PDE4B: variants seen among roughly 807,000 people sequenced by gnomAD.
PDE4B encodes the protein phosphodiesterase 4B, also known as 3',5'-cyclic-AMP phosphodiesterase 4B.
In PDE4B, 20 loss-of-function variants were observed where a neutral mutation model predicts 82.2. The ratio of observed to expected loss-of-function variants is 0.24; its 90% CI spans 0.17 to 0.35. The LOEUF is 0.35. Among genes scored for constraint, PDE4B ranks in the 10% least tolerant of loss-of-function variants. The pLI is 1.00. For synonymous variants in PDE4B, 320 were observed against 318.9 expected (o/e 1.00, Z -0.04); for missense variants, 655 against 907.2 (o/e 0.72, Z 3.57).
At chr1:65,951,160 C>T (rs1445132472) in intron 3 of PDE4B, among the ~76,000 whole-genome samples, 2 of 152,074 alleles carry the variant, frequency 1.3e-5, no homozygotes, top group African/African-American at 4.8e-5. Context: ...TTTTCTCTCT[C>T]CTTACCTTTG....
intron 3 of PDE4B, among the ~76,000 whole-genome samples, chr1:65,947,380 G>A (rs1007653590): frequency 2.0e-5 from 3 of 152,044 alleles, no homozygotes; most frequent in Non-Finnish European, 4.4e-5. Flanking sequence ...CTCGGCTCGT[G>A]TATTAAATAG....
At chr1:65,995,425 G>A (rs180902264) in intron 3 of PDE4B, among the ~76,000 whole-genome samples, 10 of 151,902 alleles carry the variant, frequency 6.6e-5, no homozygotes, top group East Asian at 5.8e-4. Context: ...TGCCTTTCCC[G>A]GGGAACCCCG....
At chr1:66,134,699 G>C (rs567983520) in intron 3 of PDE4B, among the ~76,000 whole-genome samples, 144 of 152,298 alleles carry the variant, frequency 9.5e-4, no homozygotes, top group Non-Finnish European at 1.7e-3. Flanking sequence ...ATTTTGTTCT[G>C]AGAGTCAAAT....
intron 3 of PDE4B, among the ~76,000 whole-genome samples, chr1:66,152,117 C>T (rs1385656730): frequency 6.6e-6 from 1 of 152,110 alleles, no homozygotes; most frequent in African/African-American, 2.4e-5. Flanking sequence ...AAAAACAATT[C>T]TGTTATGTTT....
chr1:66,174,189 C>T (rs940453450), intron 3 of PDE4B, among the ~76,000 whole-genome samples: 2 of 152,182 alleles, frequency 1.3e-5, no homozygotes, highest in Non-Finnish European at 2.9e-5. Flanking sequence ...TTTTCAATTA[C>T]ACCACGTCAA....
intron 3 of PDE4B, among the ~76,000 whole-genome samples, chr1:66,002,899 T>C (rs1432213920): frequency 3.3e-5 from 5 of 152,170 alleles, no homozygotes; most frequent in Admixed American, 6.5e-5. Flanking sequence ...CTACCTAGAC[T>C]GTGAGTTACC....
intron 3 of PDE4B, among the ~76,000 whole-genome samples, chr1:66,054,919 C>T (rs189923264): frequency 4.6e-5 from 7 of 152,146 alleles, no homozygotes; most frequent in East Asian, 3.9e-4. Flanking sequence ...AATATTGTGC[C>T]GATAAAACTG....
rs76992512 is a variant in PDE4B, at chr1:65,796,131, G to A, written c.-71+2883G>A. On this transcript the variant is annotated intron_variant, in intron 1 of 16. Transcript: ENST00000341517. ...ATACACAATGCGTCATTTCTCTCTG[G>A]AGAGTTTCAAGAATATTTTCTATAT... Among the ~76,000 whole-genome samples the A allele has an allele frequency of 2.0e-5, 3 of 152,276 alleles. No individual in the cohort carries two copies. In the East Asian group the frequency reaches 5.8e-4, roughly 29 times the overall value.
intron 1 of PDE4B, among the ~76,000 whole-genome samples, chr1:65,808,030 C>T (rs1318929914): frequency 1.3e-5 from 2 of 152,096 alleles, no homozygotes; most frequent in South Asian, 2.1e-4. Flanking sequence ...TACAGAGCAT[C>T]GACCTCTAGA....
intron 3 of PDE4B, among the ~76,000 whole-genome samples, chr1:66,005,311 A>G (rs1385055105): frequency 6.6e-6 from 1 of 152,078 alleles, no homozygotes; most frequent in African/African-American, 2.4e-5. Flanking sequence ...CTTCCTGCAG[A>G]AAGATAATAA....
intron 3 of PDE4B, among the ~76,000 whole-genome samples, chr1:65,977,902 A>G (rs1001670416): frequency 6.6e-6 from 1 of 152,238 alleles, no homozygotes; most frequent in Non-Finnish European, 1.5e-5. Context: ...TAATATTTTT[A>G]AATGAATGTG....
At chr1:66,354,650 T>G in intron 8 of PDE4B, 2 of 1,391,820 alleles carry the variant, frequency 1.4e-6, no homozygotes, top group Non-Finnish European at 1.9e-6. Context: ...ATAGGCTTCT[T>G]GCAAGAATGG....
Position 66,201,745 on chromosome 1 carries a change from T to C in PDE4B, c.282-45715T>C, listed in dbSNP as rs530812004. Among the ~76,000 whole-genome samples the C allele has an allele frequency of 2.0e-5, 3 of 152,170 alleles. No individual in the cohort carries two copies. The South Asian group carries it at 6.2e-4, about 32-fold the overall frequency. On this transcript the variant is annotated intron_variant, in intron 3 of 16. Coordinates refer to ENST00000341517, the MANE Select transcript of PDE4B (RefSeq NM_002600.4). ...TTTGATTCTTCTCTCTTTTCTTCTT[T>C]ATTAGTCTTGCTAGCGGTCTATCAA...
chr1:66,258,450 A>G (rs1347513411), intron 6 of PDE4B, among the ~76,000 whole-genome samples: 1 of 152,188 alleles, frequency 6.6e-6, no homozygotes, highest in Non-Finnish European at 1.5e-5. Flanking sequence ...TTGCAGTAAC[A>G]CTTTCTCCAA....
Position 66,304,756 on chromosome 1 carries a change from A to G in PDE4B, c.635-27752A>G, listed in dbSNP as rs117164312. On this transcript the variant is annotated intron_variant, in intron 7 of 16. Transcript: ENST00000341517. ...AAAGCAGGGACATACAGGGTTGGAA[A>G]ATGTCCCTCGCCTTATTCAAGAAAT... Among the ~76,000 whole-genome samples the G allele has an allele frequency of 3.3e-5, 5 of 152,226 alleles. No individual in the cohort carries two copies. The East Asian group carries it at 9.7e-4, about 29-fold the overall frequency.
At chr1:66,270,342 A>C (rs1572680) in intron 7 of PDE4B, among the ~76,000 whole-genome samples, 58,714 of 152,106 alleles carry the variant, frequency 0.39, 13,300 homozygotes, top group Non-Finnish European at 0.51. Flanking sequence ...CTATTTCTCC[A>C]TACAGGTTCT....
rs565220070 is a variant in PDE4B, at chr1:65,906,173, G to A, written c.-70-7072G>A. On this transcript the variant is annotated intron_variant, in intron 1 of 16. Coordinates refer to ENST00000341517, the MANE Select transcript of PDE4B (RefSeq NM_002600.4). ...TTAGAAGATCTAAATTTGAGCATGA[G>A]CAGATGCCCAGCAAATATTAAATGA... Among the ~76,000 whole-genome samples, 11 of 152,218 alleles carry A rather than the reference G, an allele frequency of 7.2e-5. 1 individual carries two copies. The South Asian group carries it at 2.3e-3, about 32-fold the overall frequency.
At chr1:66,191,973 C>G (rs981575473) in intron 3 of PDE4B, among the ~76,000 whole-genome samples, 1 of 152,118 alleles carries the variant, frequency 6.6e-6, no homozygotes, top group Admixed American at 6.5e-5. Context: ...TCCCACAACA[C>G]TTGGGAATTA....
At chr1:66,021,036 T>C (rs1403338639) in intron 3 of PDE4B, among the ~76,000 whole-genome samples, 1 of 152,230 alleles carries the variant, frequency 6.6e-6, no homozygotes, top group Non-Finnish European at 1.5e-5. Context: ...TATCTCATTG[T>C]GGTTTTGATT....
Sources: allele counts gnomAD v4.1 joint callset (sites outside exome capture counted in the v4.1 genomes callset), GRCh38; gene constraint gnomAD v4.1.1; transcripts MANE v1.5; gene names NCBI Gene and HGNC (gene_info 2026-07-23, HGNC 2026-07-21).